Variants in SLC12A1 observed in about 807,000 individuals in gnomAD.
The protein encoded by SLC12A1 is Na-K-2Cl cotransporter.
In SLC12A1, 89 loss-of-function variants were observed where a neutral mutation model predicts 130.4. The observed-to-expected ratio is 0.68, with a 90% CI of 0.58 to 0.81. The LOEUF is 0.81. Among genes scored for constraint, SLC12A1 ranks in the 40% least tolerant of loss-of-function variants. The pLI, the probability that SLC12A1 is intolerant of heterozygous loss-of-function variation, is 0.00. For missense variants in SLC12A1, 1,310 were observed against 1,336.4 expected, an observed-to-expected ratio of 0.98 and a Z score of 0.31; for synonymous variants, 499 against 460.0, an observed-to-expected ratio of 1.08 and a Z score of -1.09.
In SLC12A1 at chr15:48,208,142, A is replaced by T. The variant is rs1490739853; in HGVS notation, c.420+3A>T. ...AGATTCACGAGCAACTCGCAAAGGT[A>T]AGCTTGAAGGACACAAGCAAGTCTC... On this transcript the variant is annotated splice_donor_region_variant and intron_variant, in intron 2 of 26. Transcript: ENST00000380993. 6.4e-7 allele frequency: 1 copy of T among 1,572,184 alleles called. No individual in the cohort carries two copies. Among genetic ancestry groups the T allele is most frequent in the Non-Finnish European group, 8.6e-7 (1 of 1,159,590 alleles).
At chr15:48,221,996 A>G (rs1004011531) in intron 4 of SLC12A1, among the ~76,000 whole-genome samples, 1 of 152,232 alleles carries the variant, frequency 6.6e-6, no homozygotes, top group Non-Finnish European at 1.5e-5. Context: ...TAAATTGAAA[A>G]AATGGAGCCA....
intron 15 of SLC12A1, 83 bp downstream of exon 15, chr15:48,251,853 T>C: frequency 8.5e-7 from 1 of 1,179,650 alleles, no homozygotes; most frequent in Non-Finnish European, 1.2e-6. Flanking sequence ...GCAGCTTCTA[T>C]GGGCTTAGGT....
chr15:48,244,646 G>C, intron 10 of SLC12A1, 107 bp from the exon 11 acceptor site: 1 of 1,094,348 alleles, frequency 9.1e-7, no homozygotes, highest in Non-Finnish European at 1.3e-6. Flanking sequence ...GTGAACAGAG[G>C]CTAAGAAATG....
At chr15:48,210,619 C>T (rs1410577964) in intron 2 of SLC12A1, among the ~76,000 whole-genome samples, 1 of 149,864 alleles carries the variant, frequency 6.7e-6, no homozygotes, top group Non-Finnish European at 1.5e-5. Flanking sequence ...CTTTGGGAGG[C>T]TGAGGCTGGT....
chr15:48,219,862 G>A (rs962814016), intron 2 of SLC12A1, among the ~76,000 whole-genome samples: 2 of 151,988 alleles, frequency 1.3e-5, no homozygotes, highest in Non-Finnish European at 2.9e-5. Flanking sequence ...AGACCAGCCT[G>A]GGCAACATGG....
chr15:48,266,114 A>T (rs1339705091), intron 17 of SLC12A1, among the ~76,000 whole-genome samples: 5 of 152,198 alleles, frequency 3.3e-5, no homozygotes, highest in Non-Finnish European at 7.3e-5. Flanking sequence ...CATATTGGGC[A>T]GTGATGACCT....
chr15:48,248,195 C>T (rs2141059609), intron 13 of SLC12A1, among the ~76,000 whole-genome samples: 1 of 152,264 alleles, frequency 6.6e-6, no homozygotes, highest in Admixed American at 6.5e-5. Context: ...CTCAGCACAG[C>T]AGTGCCAAGC....
At chr15:48,250,621 T>C (rs1453074735) in intron 14 of SLC12A1, among the ~76,000 whole-genome samples, 1 of 149,002 alleles carries the variant, frequency 6.7e-6, no homozygotes, top group Admixed American at 6.8e-5. Context: ...CAGGAAAATA[T>C]AGAACAGCAT....
chr15:48,257,063 G>A (rs760365293), intron 16 of SLC12A1, among the ~76,000 whole-genome samples: 1 of 152,160 alleles, frequency 6.6e-6, no homozygotes, highest in Non-Finnish European at 1.5e-5. Flanking sequence ...GGGAGAAATT[G>A]GCCAAAACAA....
intron 20 of SLC12A1, among the ~76,000 whole-genome samples, chr15:48,284,130 G>A (rs2042034478): frequency 6.6e-6 from 1 of 152,194 alleles, no homozygotes; most frequent in African/African-American, 2.4e-5. Flanking sequence ...CATGTCACAA[G>A]ACCCCTTTTA....
At chr15:48,239,479 C>T (rs1352967029) in intron 9 of SLC12A1, among the ~76,000 whole-genome samples, 1 of 150,176 alleles carries the variant, frequency 6.7e-6, no homozygotes, top group Non-Finnish European at 1.5e-5. Flanking sequence ...TGAGCCACTG[C>T]ACTCCAGCCT....
intron 2 of SLC12A1, among the ~76,000 whole-genome samples, chr15:48,212,386 A>G (rs1435907606): frequency 6.6e-6 from 1 of 152,166 alleles, no homozygotes; most frequent in East Asian, 1.9e-4. Flanking sequence ...TTCTGTTTAT[A>G]TTTATTTTCA....
In SLC12A1 at chr15:48,241,564, C is replaced by T. The variant is rs886051212; in HGVS notation, c.1265C>T (p.Thr422Ile). The change falls in exon 10 of 27, where the codon ACC becomes ATC. Residue 422 changes from threonine (T) to isoleucine (I), a missense_variant. Thr to Ile is a moderately conservative substitution (Grantham distance 89). Coordinates refer to ENST00000380993, the MANE Select transcript of SLC12A1 (RefSeq NM_000338.3). Reference protein sequence around the residue: ...PRGTMLAIFITTVAYLGVAIC... With the variant: ...PRGTMLAIFIITVAYLGVAIC... ...GGAACCATGCTGGCCATTTTCATCA[C>T]CACTGTTGCCTACTTAGGGGTTGCA... The T allele has an allele frequency of 6.2e-7, 1 of 1,613,824 alleles. No individual in the cohort carries two copies. The highest frequency in any genetic ancestry group is 8.5e-7 in the Non-Finnish European group (1 of 1,179,752).
chr15:48,254,804 G>C (rs1283727454), intron 15 of SLC12A1, among the ~76,000 whole-genome samples: 1 of 151,314 alleles, frequency 6.6e-6, no homozygotes, highest in Non-Finnish European at 1.5e-5. Context: ...GGCGCCTGTA[G>C]TCCCAGCTAC....
intron 1 of SLC12A1, 140 bp from the exon 2 acceptor site, chr15:48,207,394 G>C (rs1168246800): frequency 1.2e-5 from 2 of 168,900 alleles, no homozygotes; most frequent in African/African-American, 4.7e-5. Flanking sequence ...ACATGACTAA[G>C]GTTCCTGGAC....
In SLC12A1 at chr15:48,267,567, C is replaced by T. The variant is rs143401237; in HGVS notation, c.2161C>T (p.Arg721Cys). Residue 721 changes from arginine (R) to cysteine (C), a missense_variant, in exon 18 of 27, where the codon CGC (arginine) becomes TGC (cysteine). By Grantham distance (180) the Arg-to-Cys change is radical. Transcript: ENST00000380993. ...CICCEVFVGP[R>C]KLCVKEMNSG... The stretch of plus-strand genomic sequence containing the variant: ...ATTTCATTGTGTCACACAGGGACCG[C>T]GCAAACTGTGTGTTAAGGAGATGAA... 135 of 1,613,254 alleles carry T rather than the reference C, an allele frequency of 8.4e-5. 1 individual carries two copies. In the South Asian group the frequency reaches 1.0e-3, roughly 12 times the overall value.
At chr15:48,253,848 G>T (rs925422977) in intron 15 of SLC12A1, among the ~76,000 whole-genome samples, 15 of 152,158 alleles carry the variant, frequency 9.9e-5, no homozygotes, top group African/African-American at 3.6e-4. Context: ...TTTTTTAAAA[G>T]CCATTCTAAT....
intron 3 of SLC12A1, 45 bp downstream of exon 3, chr15:48,220,810 G>C (rs780568742): frequency 5.6e-6 from 9 of 1,612,994 alleles, no homozygotes; most frequent in Non-Finnish European, 6.8e-6. Context: ...TCCATTCAAT[G>C]TTCTAGTGGA....
At chr15:48,293,074 C>T (rs2042138078) in intron 24 of SLC12A1, among the ~76,000 whole-genome samples, 1 of 152,186 alleles carries the variant, frequency 6.6e-6, no homozygotes, top group South Asian at 2.1e-4. Context: ...TGCCACCACA[C>T]CTGGCTAATT....
Sources: allele counts gnomAD v4.1 joint callset (sites outside exome capture counted in the v4.1 genomes callset), GRCh38; gene constraint gnomAD v4.1.1; transcripts MANE v1.5; gene names NCBI Gene and HGNC (gene_info 2026-07-23, HGNC 2026-07-21).